Variants in COL22A1 observed in about 807,000 individuals in gnomAD.
COL22A1 encodes collagen type XXII alpha 1 chain.
COL22A1 carries 221 observed loss-of-function variants against 248.9 expected under a neutral mutation model. That is an observed-to-expected ratio of 0.89 (90% CI 0.80 to 0.99). The LOEUF (loss-of-function observed/expected upper bound fraction) is 0.99, where lower values mean the gene tolerates loss of function less well. Ranked by LOEUF, COL22A1 falls within the 50% of genes least tolerant of loss-of-function variation. The pLI is 0.00. For synonymous variants in COL22A1, 891 were observed against 793.4 expected, an observed-to-expected ratio of 1.12 and a Z score of -2.07; for missense variants, 2,240 against 2,179.0, an observed-to-expected ratio of 1.03 and a Z score of -0.56.
intron 32 of COL22A1, among the ~76,000 whole-genome samples, chr8:138,697,922 T>C (rs1342418267): frequency 6.6e-6 from 1 of 152,230 alleles, no homozygotes; most frequent in African/African-American, 2.4e-5. Flanking sequence ...ATTTCCTTGT[T>C]TGCATCTGAG....
chr8:138,635,692 A>G (rs1222845148), intron 48 of COL22A1, among the ~76,000 whole-genome samples: 1 of 152,204 alleles, frequency 6.6e-6, no homozygotes, highest in South Asian at 2.1e-4. Context: ...CCACCAAGAA[A>G]CAAATGATTT....
At chr8:138,780,649 C>T (rs918035789) in intron 13 of COL22A1, among the ~76,000 whole-genome samples, 9 of 152,158 alleles carry the variant, frequency 5.9e-5, no homozygotes, top group African/African-American at 2.2e-4. Flanking sequence ...CAAGTCTAGG[C>T]ACGGGGGATA....
intron 23 of COL22A1, among the ~76,000 whole-genome samples, chr8:138,737,159 G>A (rs796825451): frequency 2.6e-5 from 4 of 152,298 alleles, no homozygotes; most frequent in African/African-American, 9.6e-5. Context: ...CAGCCTGGCT[G>A]GCAGTGCCTT....
At chr8:138,687,712 C>T (rs959260225) in intron 37 of COL22A1, among the ~76,000 whole-genome samples, 4 of 152,284 alleles carry the variant, frequency 2.6e-5, no homozygotes, top group African/African-American at 4.8e-5. Context: ...ATGATCAATG[C>T]GGCATCACCC....
intron 10 of COL22A1, among the ~76,000 whole-genome samples, chr8:138,806,123 G>GTGTGTGGTGTGTGTGTGGTGTGT (rs1817677041): frequency 1.4e-4 from 12 of 84,804 alleles, no homozygotes; most frequent in East Asian, 3.8e-4. Context: ...TGATGGTGTA[G>GTGTGTGGTGTGTGTGTGGTGTGT]GTAATGGTGT....
At chr8:138,886,328 T>G (rs1824664324) in intron 1 of COL22A1, among the ~76,000 whole-genome samples, 1 of 152,128 alleles carries the variant, frequency 6.6e-6, no homozygotes, top group African/African-American at 2.4e-5. Context: ...GTCTTATTGG[T>G]TTCTGTAGTA....
chr8:138,613,230 A>G (rs948176086), intron 56 of COL22A1, among the ~76,000 whole-genome samples: 1 of 147,690 alleles, frequency 6.8e-6, no homozygotes, highest in African/African-American at 2.5e-5. Context: ...CCTGGGTGAC[A>G]GAGCGAGACT....
intron 3 of COL22A1, among the ~76,000 whole-genome samples, chr8:138,844,874 C>T (rs544331404): frequency 6.1e-5 from 9 of 147,276 alleles, no homozygotes; most frequent in South Asian, 2.2e-4. Context: ...GGTGTGAATC[C>T]GGGAGGCGGA....
At chr8:138,778,486 A>T (rs1258558701) in intron 14 of COL22A1, 80 bp from the exon 15 acceptor site, 1 of 1,297,042 alleles carries the variant, frequency 7.7e-7, no homozygotes, top group African/African-American at 1.5e-5. Context: ...AGCCAGTCCC[A>T]CGTTTGGTGA....
At chr8:138,785,555 C>T (rs1163368366) in intron 12 of COL22A1, among the ~76,000 whole-genome samples, 2 of 152,186 alleles carry the variant, frequency 1.3e-5, no homozygotes, top group African/African-American at 4.8e-5. Flanking sequence ...TACGATGGCA[C>T]GCCCTCGAAT....
At chr8:138,814,651 G>T (rs556552379) in intron 7 of COL22A1, among the ~76,000 whole-genome samples, 1 of 152,298 alleles carries the variant, frequency 6.6e-6, no homozygotes, top group Non-Finnish European at 1.5e-5. Flanking sequence ...TGAGCTTTGA[G>T]ATGACTGTAG....
chr8:138,732,190 C>A (rs1235890462), intron 23 of COL22A1, among the ~76,000 whole-genome samples: 1 of 152,320 alleles, frequency 6.6e-6, no homozygotes, highest in East Asian at 1.9e-4. Flanking sequence ...AGATTCTACA[C>A]ATTATTGTCC....
At position 138,792,035 on chromosome 8, in the gene COL22A1, T is replaced by C. The variant is rs117162742; in HGVS notation, c.1596+4784A>G. Among the ~76,000 whole-genome samples, 7 of 152,330 alleles carry C rather than the reference T, an allele frequency of 4.6e-5. No individual in the cohort carries two copies. The East Asian group carries it at 1.4e-3, about 29-fold the overall frequency. On this transcript the variant is annotated intron_variant, in intron 12 of 64. Transcript: ENST00000303045. ...GACTTTTTGGTGGTGCTTGTTATTG[T>C]ATTTTCCCCCTTTACCAAATGTTCA...
At position 138,662,191 on chromosome 8, in the gene COL22A1, T is replaced by A. The variant is rs904794331; in HGVS notation, c.3187-108A>T. 9.3e-6 allele frequency: 8 copies of A among 862,098 alleles called. No individual in the cohort carries two copies. In the Admixed American group the frequency reaches 1.3e-4, roughly 14 times the overall value. The allele number at this position is 862,098 out of a possible 1,614,324, so 53.4% of individuals were successfully genotyped here. ...TCCTTCAACACATGGTCTGTTGCTA[T>A]GAGGAATCTGATGCAACATGTGTGC... is the stretch of plus-strand genomic sequence containing the variant. On this transcript the variant is annotated intron_variant, in intron 42 of 64. Transcript: ENST00000303045.
chr8:138,880,709 T>C (rs1220723654), intron 2 of COL22A1, among the ~76,000 whole-genome samples: 1 of 152,202 alleles, frequency 6.6e-6, no homozygotes, highest in Admixed American at 6.5e-5. Flanking sequence ...TTTGACCAGA[T>C]GTGCAGACTT....
At position 138,833,103 on chromosome 8, in the gene COL22A1, T is replaced by A. The variant is rs769313675; in HGVS notation, c.781A>T (p.Arg261Ter). 26 of 1,614,018 alleles carry A rather than the reference T, an allele frequency of 1.6e-5. No individual in the cohort carries two copies. Among genetic ancestry groups the A allele is most frequent in the Non-Finnish European group, 2.2e-5 (26 of 1,179,878 alleles). The change falls in exon 5 of 65, where the codon AGA becomes TGA. Residue 261 changes from arginine (R) to a stop codon, truncating the protein, a stop_gained. Transcript: ENST00000303045. LOFTEE classifies it high-confidence loss of function. ...LFSVKEILGK[R>*]ENGAQSSYVR... The stretch of plus-strand genomic sequence containing the variant: ...TAGGAACTCTGAGCTCCATTCTCTC[T>A]CTTCCCCAAGATTTCCTTCACACTG...
At chr8:138,742,498 G>A (rs1831687476) in intron 22 of COL22A1, among the ~76,000 whole-genome samples, 1 of 152,006 alleles carries the variant, frequency 6.6e-6, no homozygotes, top group Non-Finnish European at 1.5e-5. Context: ...TGATGGTGAT[G>A]GTAGAGTTGA....
intron 23 of COL22A1, among the ~76,000 whole-genome samples, chr8:138,734,138 C>T (rs1830927515): frequency 3.3e-5 from 5 of 152,154 alleles, no homozygotes; most frequent in Non-Finnish European, 4.4e-5. Flanking sequence ...GAAAGCTCTG[C>T]GGGAAATAGA....
At chr8:138,670,049 G>C (rs544611916) in intron 41 of COL22A1, among the ~76,000 whole-genome samples, 24 of 152,088 alleles carry the variant, frequency 1.6e-4, no homozygotes, top group African/African-American at 5.8e-4. Context: ...ACCACACCCA[G>C]CTAATTTTTG....
Sources: gnomAD v4.1 joint callset for allele counts (sites outside exome capture counted in the v4.1 genomes callset) on GRCh38, gnomAD v4.1.1 for gene constraint, MANE v1.5 for transcripts, NCBI Gene and HGNC (gene_info 2026-07-23, HGNC 2026-07-21) for gene names.